CSGALNACT1: variants seen among roughly 807,000 people sequenced by gnomAD.
CSGALNACT1 encodes chondroitin sulfate N-acetylgalactosaminyltransferase 1, also known as beta4GalNAcT-1.
Under a neutral mutation model 51.0 loss-of-function variants are expected in CSGALNACT1, and 52 were observed. The ratio of observed to expected loss-of-function variants is 1.02; its 90% CI spans 0.82 to 1.29. The LOEUF is 1.29. Among genes scored for constraint, CSGALNACT1 ranks in the 50% most tolerant of loss-of-function variants. The pLI is 0.00. For missense variants in CSGALNACT1, 935 were observed against 679.2 expected, an observed-to-expected ratio of 1.38 and a Z score of -4.19; for synonymous variants, 341 against 254.4, an observed-to-expected ratio of 1.34 and a Z score of -3.24.
chr8:19,572,192 C>T (rs748017903), intron 3 of CSGALNACT1, among the ~76,000 whole-genome samples: 4 of 152,136 alleles, frequency 2.6e-5, no homozygotes, highest in Non-Finnish European at 5.9e-5. Context: ...TTTAGAGTTC[C>T]ATCTCCTCAA....
chr8:19,739,699 G>A (rs1363405956), intron 1 of CSGALNACT1, among the ~76,000 whole-genome samples: 1 of 152,146 alleles, frequency 6.6e-6, no homozygotes, highest in East Asian at 1.9e-4. Context: ...TGTGATGGCT[G>A]GAGCTTTAGC....
chr8:19,571,146 T>G (rs2042939873), intron 3 of CSGALNACT1, among the ~76,000 whole-genome samples: 1 of 152,124 alleles, frequency 6.6e-6, no homozygotes, highest in African/African-American at 2.4e-5. Context: ...ATTTTTGTAT[T>G]TTTTGTAAAG....
chr8:19,714,432 C>G (rs147649959), intron 1 of CSGALNACT1, among the ~76,000 whole-genome samples: 1 of 152,150 alleles, frequency 6.6e-6, no homozygotes, highest in East Asian at 1.9e-4. Context: ...TTCTCAGCCA[C>G]CATTTCTTTA....
At chr8:19,712,188 G>A (rs912761055) in intron 1 of CSGALNACT1, among the ~76,000 whole-genome samples, 1 of 152,088 alleles carries the variant, frequency 6.6e-6, no homozygotes, top group African/African-American at 2.4e-5. Context: ...GCCACGCCCG[G>A]CTAATTTTTT....
At chr8:19,418,109 C>T (rs992561337) in intron 8 of CSGALNACT1, among the ~76,000 whole-genome samples, 6 of 152,138 alleles carry the variant, frequency 3.9e-5, no homozygotes, top group Non-Finnish European at 7.3e-5. Context: ...TTAATGCTAA[C>T]GTCTACCCAA....
chr8:19,654,475 A>T (rs1163196823), intron 1 of CSGALNACT1, among the ~76,000 whole-genome samples: 1 of 152,226 alleles, frequency 6.6e-6, no homozygotes, highest in Admixed American at 6.5e-5. Context: ...TTGAGTGACC[A>T]GGATAAATTA....
Position 19,582,609 on chromosome 8 carries a change from C to G in CSGALNACT1, c.-297+8551G>C, listed in dbSNP as rs80177127. ...AGATAGACACATGACCCAGTCAAAG[C>G]CAATGAGAGTCAATCTTGGGATCAG... is the stretch of plus-strand genomic sequence containing the variant. On this transcript the variant is annotated intron_variant, in intron 3 of 9. Transcript: ENST00000454498. Among the ~76,000 whole-genome samples the G allele has an allele frequency of 9.2e-5, 14 of 152,232 alleles. No individual in the cohort carries two copies. The East Asian group carries it at 2.7e-3, about 29-fold the overall frequency.
chr8:19,539,712 A>T (rs2084638019), intron 3 of CSGALNACT1, among the ~76,000 whole-genome samples: 1 of 152,236 alleles, frequency 6.6e-6, no homozygotes, highest in Non-Finnish European at 1.5e-5. Context: ...AGCAATATTT[A>T]TCCTTGAGAA....
intron 1 of CSGALNACT1, among the ~76,000 whole-genome samples, chr8:19,693,746 A>G (rs2061446763): frequency 6.6e-6 from 1 of 151,882 alleles, no homozygotes; most frequent in South Asian, 2.1e-4. Flanking sequence ...CCCACACTCA[A>G]TATTCACCTA....
intron 4 of CSGALNACT1, among the ~76,000 whole-genome samples, chr8:19,488,756 G>T (rs1001903789): frequency 1.3e-5 from 2 of 152,046 alleles, no homozygotes; most frequent in African/African-American, 2.4e-5. Context: ...ACCCGACAGG[G>T]TAGATTATTA....
chr8:19,555,004 CCG>C (rs1181553689), intron 3 of CSGALNACT1, among the ~76,000 whole-genome samples: 17 of 151,652 alleles, frequency 1.1e-4, no homozygotes, highest in Admixed American at 1.1e-3. Context: ...TTTAGGGACG[CCG>C]AGCGGGGGTG....
At chr8:19,622,015 T>C (rs2053886822) in intron 1 of CSGALNACT1, among the ~76,000 whole-genome samples, 1 of 152,226 alleles carries the variant, frequency 6.6e-6, no homozygotes, top group Non-Finnish European at 1.5e-5. Flanking sequence ...TGGTATGTAG[T>C]CGATACTTCC....
chr8:19,571,492 C>A (rs1318275458), intron 3 of CSGALNACT1, among the ~76,000 whole-genome samples: 1 of 151,792 alleles, frequency 6.6e-6, no homozygotes, highest in Non-Finnish European at 1.5e-5. Context: ...AAAACAGAAC[C>A]AGGGAAAGAG....
chr8:19,507,884 C>T (rs954096090), intron 3 of CSGALNACT1, among the ~76,000 whole-genome samples: 4 of 152,254 alleles, frequency 2.6e-5, no homozygotes, highest in Non-Finnish European at 5.9e-5. Context: ...GCCTCGGCCT[C>T]CCAAAGTGCT....
At chr8:19,736,322 A>C (rs1228420074) in intron 1 of CSGALNACT1, among the ~76,000 whole-genome samples, 2 of 152,140 alleles carry the variant, frequency 1.3e-5, no homozygotes, top group Non-Finnish European at 2.9e-5. Flanking sequence ...AGTAGTTGTA[A>C]CTTACACTGA....
At chr8:19,727,231 T>G (rs1268874102) in intron 1 of CSGALNACT1, among the ~76,000 whole-genome samples, 1 of 152,126 alleles carries the variant, frequency 6.6e-6, no homozygotes, top group South Asian at 2.1e-4. Context: ...AGAAAAAAAA[T>G]GTCCAGTGGA....
intron 6 of CSGALNACT1, among the ~76,000 whole-genome samples, chr8:19,434,551 T>C (rs920713045): frequency 6.6e-6 from 1 of 152,208 alleles, no homozygotes; most frequent in Non-Finnish European, 1.5e-5. Flanking sequence ...GAAATTAACA[T>C]TTTTACATCA....
At chr8:19,715,676 G>A (rs922943427) in intron 1 of CSGALNACT1, among the ~76,000 whole-genome samples, 1 of 152,190 alleles carries the variant, frequency 6.6e-6, no homozygotes, top group Non-Finnish European at 1.5e-5. Flanking sequence ...GAAAGTGTGG[G>A]AGAATAAAGA....
At chr8:19,556,597 G>A (rs1024159461) in intron 3 of CSGALNACT1, among the ~76,000 whole-genome samples, 1 of 152,098 alleles carries the variant, frequency 6.6e-6, no homozygotes, top group African/African-American at 2.4e-5. Context: ...TCAATTTAAT[G>A]AGTTGGCACA....
Sources: allele counts gnomAD v4.1 joint callset (sites outside exome capture counted in the v4.1 genomes callset), GRCh38; gene constraint gnomAD v4.1.1; transcripts MANE v1.5; gene names NCBI Gene and HGNC (gene_info 2026-07-23, HGNC 2026-07-21).